The following MAP3K7CL variants were observed in gnomAD, a reference collection of about 807,000 sequenced individuals.
MAP3K7CL encodes MAP3K7 C-terminal-like protein.
A neutral mutation model predicts 18.6 loss-of-function variants in MAP3K7CL; 16 were observed. That is an observed-to-expected ratio of 0.86 (90% CI 0.58 to 1.31). MAP3K7CL has a LOEUF of 1.31. Among genes scored for constraint, MAP3K7CL ranks in the 50% most tolerant of loss-of-function variants. The pLI is 0.00. For synonymous variants in MAP3K7CL, 65 were observed against 66.8 expected, an observed-to-expected ratio of 0.97 and a Z score of 0.13; for missense variants, 163 against 174.4, an observed-to-expected ratio of 0.93 and a Z score of 0.37.
At chr21:29,085,952 A>C (rs762757536) in intron 1 of MAP3K7CL, 1 of 1,611,186 alleles carries the variant, frequency 6.2e-7, no homozygotes, top group East Asian at 2.2e-5. Flanking sequence ...TTCCTGTAAA[A>C]CTGTCGACTA....
At position 29,174,753 on chromosome 21, in the gene MAP3K7CL, A is replaced by G; in HGVS notation, c.290A>G (p.Lys97Arg). The G allele has an allele frequency of 6.2e-7, 1 of 1,614,152 alleles. No homozygotes were observed. The highest frequency in any genetic ancestry group is 8.5e-7 in the Non-Finnish European group (1 of 1,180,006). ...IAKLDQAEKEKVDAAELVREF... is the reference protein window; with the variant it reads ...IAKLDQAEKERVDAAELVREF... ...AAGTTAGATCAGGCAGAAAAGGAGA[A>G]GGTGGATGCTGCTGAGCTGGTTCGG... Residue 97 changes from lysine to arginine, a missense_variant, in exon 5 of 5, where the codon AAG (lysine) becomes AGG (arginine). Physicochemically the swap from Lys to Arg is conservative, Grantham distance 26. Coordinates refer to ENST00000399928, the MANE Select transcript of MAP3K7CL (RefSeq NM_001286620.2).
chr21:29,165,405 T>A (rs2087660190), intron 4 of MAP3K7CL, among the ~76,000 whole-genome samples: 1 of 152,140 alleles, frequency 6.6e-6, no homozygotes, highest in South Asian at 2.1e-4. Flanking sequence ...TCTTTAGTGA[T>A]GATTTCTGAG....
rs565479218 is a variant in MAP3K7CL, at chr21:29,134,008, G to A, written c.70+594G>A. 1.2e-3 allele frequency among the ~76,000 whole-genome samples: 181 copies of A among 152,276 alleles called. 1 individual carries two copies. Among genetic ancestry groups the A allele is most frequent in the Non-Finnish European group, 2.2e-3 (149 of 68,022 alleles). On this transcript the variant is annotated intron_variant, in intron 2 of 4. Transcript: ENST00000399928. ...GTGACCTCTTAACACACATTGAATT[G>A]CACCACTTTTGAACAAAAGACCTCA...
upstream of MAP3K7CL, among the ~76,000 whole-genome samples, chr21:29,085,346 C>T (rs2085905202): frequency 1.3e-5 from 2 of 152,096 alleles, no homozygotes; most frequent in South Asian, 4.2e-4. Flanking sequence ...TTGCACGTAG[C>T]CGTGTATTAT....
chr21:29,167,221 C>A (rs562622846), intron 4 of MAP3K7CL, among the ~76,000 whole-genome samples: 20 of 152,278 alleles, frequency 1.3e-4, no homozygotes, highest in African/African-American at 4.8e-4. Context: ...TCTCAAAGAT[C>A]TTTTGCCCAT....
At chr21:29,155,682 A>C (rs2087386386) in intron 3 of MAP3K7CL, among the ~76,000 whole-genome samples, 1 of 152,170 alleles carries the variant, frequency 6.6e-6, no homozygotes, top group African/African-American at 2.4e-5. Flanking sequence ...AGATAGCAGC[A>C]GCTCCTTCAC....
At chr21:29,142,668 A>G (rs1422352006) in intron 2 of MAP3K7CL, among the ~76,000 whole-genome samples, 2 of 152,228 alleles carry the variant, frequency 1.3e-5, no homozygotes, top group African/African-American at 2.4e-5. Flanking sequence ...GTGAAAAAGA[A>G]TGAAAAATGA....
intron 4 of MAP3K7CL, among the ~76,000 whole-genome samples, chr21:29,173,519 T>A (rs2123259508): frequency 6.6e-6 from 1 of 152,194 alleles, no homozygotes; most frequent in East Asian, 1.9e-4. Flanking sequence ...AAACTATGTA[T>A]CTGAAGGTCA....
upstream of MAP3K7CL, among the ~76,000 whole-genome samples, chr21:29,077,296 C>T (rs983311082): frequency 6.6e-6 from 1 of 152,250 alleles, no homozygotes. Flanking sequence ...GGTCCCTAGC[C>T]CTGCCCTGCA....
Position 29,144,631 on chromosome 21 carries a change from C to T in MAP3K7CL, c.71-4558C>T, listed in dbSNP as rs112543218. 5.2e-3 allele frequency among the ~76,000 whole-genome samples: 795 copies of T among 152,286 alleles called. 7 individuals carry two copies. Among genetic ancestry groups the T allele is most frequent in the African/African-American group, 0.018 (757 of 41,556 alleles). ...CGTGGAGTCTTGGGTGGCTTCTTTC[C>T]CTTTTTGGGGTCCTTGTCTTTAGCT... On this transcript the variant is annotated intron_variant, in intron 2 of 4. Transcript: ENST00000399928.
chr21:29,078,592 C>A (rs542926235), intron 1 of MAP3K7CL, among the ~76,000 whole-genome samples: 2 of 152,280 alleles, frequency 1.3e-5, no homozygotes, highest in South Asian at 4.1e-4. Context: ...AGAAAGGTAG[C>A]CCCATGTCAA....
chr21:29,092,205 C>G (rs2086040759), intron 3 of MAP3K7CL: 1 of 499,636 alleles, frequency 2.0e-6, no homozygotes, highest in East Asian at 3.1e-5. Flanking sequence ...CAGAGCGAGG[C>G]TGAGTGGTTT....
intron 4 of MAP3K7CL, among the ~76,000 whole-genome samples, chr21:29,121,809 G>C (rs896845806): frequency 6.6e-6 from 1 of 151,516 alleles, no homozygotes; most frequent in Non-Finnish European, 1.5e-5. Flanking sequence ...TTGTATTCAT[G>C]GATAAATGTA....
intron 4 of MAP3K7CL, among the ~76,000 whole-genome samples, chr21:29,164,954 T>G (rs932463609): frequency 1.3e-5 from 2 of 152,220 alleles, no homozygotes; most frequent in African/African-American, 4.8e-5. Flanking sequence ...TCCGTAAATA[T>G]TATAAGCATT....
chr21:29,095,446 G>A (rs968443056), intron 4 of MAP3K7CL, among the ~76,000 whole-genome samples: 5 of 152,192 alleles, frequency 3.3e-5, no homozygotes, highest in African/African-American at 4.8e-5. Flanking sequence ...TAAGGGGAAT[G>A]TGGGGGAGCT....
chr21:29,109,370 A>G (rs1194659800), intron 4 of MAP3K7CL: 1 of 1,357,530 alleles, frequency 7.4e-7, no homozygotes, highest in Non-Finnish European at 9.5e-7. Context: ...AAGATAGATC[A>G]ACTCCTTGAA....
At chr21:29,159,825 T>TAA in intron 3 of MAP3K7CL, 116 bp from the exon 4 acceptor site, 34 of 611,106 alleles carry the variant, frequency 5.6e-5, no homozygotes, top group South Asian at 1.0e-4. Flanking sequence ...GTTCTCACGT[T>TAA]AAAAAAAAAA....
At chr21:29,136,445 T>G (rs1344260436) in intron 2 of MAP3K7CL, among the ~76,000 whole-genome samples, 2 of 152,204 alleles carry the variant, frequency 1.3e-5, no homozygotes, top group Non-Finnish European at 2.9e-5. Context: ...GATTTATTGT[T>G]GATGAATAAG....
intron 4 of MAP3K7CL, among the ~76,000 whole-genome samples, chr21:29,097,236 TGCATACTATGGTAA>T (rs1284918207): frequency 7.9e-5 from 12 of 152,068 alleles, no homozygotes; most frequent in Non-Finnish European, 1.5e-5. Context: ...GGAGGGAGTA[TGCATACTATGGTAA>T]GCATGGTTTT....
Sources: allele counts gnomAD v4.1 joint callset (sites outside exome capture counted in the v4.1 genomes callset), GRCh38; gene constraint gnomAD v4.1.1; transcripts MANE v1.5; gene names NCBI Gene and HGNC (gene_info 2026-07-23, HGNC 2026-07-21).